Variants in RGS5 observed in about 807,000 individuals in gnomAD.
RGS5 encodes the protein regulator of G protein signaling 5.
RGS5 carries 20 observed loss-of-function variants against 18.9 expected under a neutral mutation model. The ratio of observed to expected loss-of-function variants is 1.06; its 90% CI spans 0.74 to 1.54. RGS5 has a LOEUF of 1.54. Ranked by LOEUF, RGS5 falls within the 40% of genes most tolerant of loss-of-function variation. The pLI is 0.00. For missense variants in RGS5, 201 were observed against 211.8 expected, an observed-to-expected ratio of 0.95 and a Z score of 0.32; for synonymous variants, 57 against 76.2, an observed-to-expected ratio of 0.75 and a Z score of 1.31.
At chr1:163,172,773 A>G (rs1658364482) in intron 1 of RGS5, among the ~76,000 whole-genome samples, 1 of 152,194 alleles carries the variant, frequency 6.6e-6, no homozygotes, top group African/African-American at 2.4e-5. Flanking sequence ...ATGTTATTGC[A>G]TTTCTGCTCA....
intron 1 of RGS5, among the ~76,000 whole-genome samples, chr1:163,177,296 C>G (rs1343887912): frequency 6.6e-6 from 1 of 152,168 alleles, no homozygotes; most frequent in African/African-American, 2.4e-5. Context: ...CTGATATCAA[C>G]TAAAAGATAT....
chr1:163,182,055 A>G (rs1490808054), intron 1 of RGS5, among the ~76,000 whole-genome samples: 3 of 152,116 alleles, frequency 2.0e-5, no homozygotes, highest in Non-Finnish European at 2.9e-5. Context: ...TACTCAATAA[A>G]TGTTACCTAT....
chr1:163,181,139 C>T (rs1658827478), intron 1 of RGS5, among the ~76,000 whole-genome samples: 1 of 152,174 alleles, frequency 6.6e-6, no homozygotes, highest in Non-Finnish European at 1.5e-5. Context: ...TGAGGATTCA[C>T]ATCTCTGGTT....
chr1:163,169,726 A>T (rs569062322), intron 1 of RGS5, among the ~76,000 whole-genome samples: 46 of 152,244 alleles, frequency 3.0e-4, no homozygotes, highest in Non-Finnish European at 5.1e-4. Context: ...TAAAATGATG[A>T]CGTTATCCAT....
rs7411752 is a variant in RGS5, at chr1:163,180,023, C to A, written c.45-11655G>T. Among the ~76,000 whole-genome samples, 96 of 152,198 alleles carry A rather than the reference C, an allele frequency of 6.3e-4. 2 individuals are homozygous for A. The South Asian group carries it at 0.019, about 31-fold the overall frequency. ...TGTTTTTCTGTCTTCCCAGAAAATC[C>A]TTTTATTTTTATTTTTTGAGACAGG... is the stretch of plus-strand genomic sequence containing the variant. On this transcript the variant is annotated intron_variant, in intron 1 of 4. Transcript: ENST00000313961.
At chr1:163,155,881 G>T (rs1226243662) in intron 3 of RGS5, among the ~76,000 whole-genome samples, 2 of 151,980 alleles carry the variant, frequency 1.3e-5, no homozygotes, top group African/African-American at 4.8e-5. Context: ...TGATTATCTG[G>T]TCTTATGGAA....
chr1:163,200,637 A>T (rs1490918344), intron 1 of RGS5, among the ~76,000 whole-genome samples: 1 of 152,188 alleles, frequency 6.6e-6, no homozygotes, highest in Non-Finnish European at 1.5e-5. Context: ...CATTCTTCTC[A>T]GGCAGCATGG....
At chr1:163,287,353 T>C (rs895725445) in intron 2 of RGS5, among the ~76,000 whole-genome samples, 6 of 152,216 alleles carry the variant, frequency 3.9e-5, no homozygotes, top group African/African-American at 1.4e-4. Flanking sequence ...CTCCCAGGCC[T>C]TCACCTATTC....
chr1:163,152,253 G>A (rs1657403417), intron 4 of RGS5, among the ~76,000 whole-genome samples: 1 of 152,092 alleles, frequency 6.6e-6, no homozygotes, highest in African/African-American at 2.4e-5. Context: ...TTTTCACAAA[G>A]GAAGAAATGA....
At chr1:163,261,943 T>A (rs1001006595) in intron 2 of RGS5, among the ~76,000 whole-genome samples, 17 of 152,100 alleles carry the variant, frequency 1.1e-4, no homozygotes, top group African/African-American at 3.9e-4. Flanking sequence ...CAAGGTGGGA[T>A]GATCTAGGCC....
At chr1:163,154,130 C>T (rs1046148385) in intron 3 of RGS5, among the ~76,000 whole-genome samples, 3 of 152,138 alleles carry the variant, frequency 2.0e-5, no homozygotes, top group Non-Finnish European at 2.9e-5. Context: ...ATCATATTTA[C>T]GTTCTGAATT....
chr1:163,268,985 C>A (rs1648642795), intron 2 of RGS5, among the ~76,000 whole-genome samples: 2 of 152,134 alleles, frequency 1.3e-5, no homozygotes, highest in Non-Finnish European at 2.9e-5. Context: ...GGACCAGAGA[C>A]TCCAGATCGC....
chr1:163,152,710 A>G lies in RGS5; in HGVS notation c.224T>C (p.Leu75Pro). The change falls in exon 4 of 5, where the codon CTT becomes CCT. Residue 75 changes from leucine to proline, a missense_variant. Transcript: ENST00000313961. Reference sequence around the variant, plus strand: ...CTTCAGGAAACTTTTGAAACTGGCAAGTCCATCTGGAAAGAAAAAAACAGT... The same window carrying G: ...CTTCAGGAAACTTTTGAAACTGGCAGGTCCATCTGGAAAGAAAAAAACAGT... The part of the protein sequence containing the change: ...LDKLLQNNYG[L>P]ASFKSFLKSE... The G allele has an allele frequency of 1.3e-6, 2 of 1,587,188 alleles. No individual in the cohort carries two copies. The highest frequency in any genetic ancestry group is 1.7e-6 in the Non-Finnish European group (2 of 1,170,472).
At chr1:163,291,415 A>C (rs550035709) in intron 2 of RGS5, among the ~76,000 whole-genome samples, 1 of 152,138 alleles carries the variant, frequency 6.6e-6, no homozygotes. Flanking sequence ...CTTACCCCAA[A>C]CTCAACCACC....
chr1:163,253,952 C>T (rs1176149264), intron 2 of RGS5, among the ~76,000 whole-genome samples: 2 of 151,820 alleles, frequency 1.3e-5, no homozygotes, highest in South Asian at 4.2e-4. Flanking sequence ...TTTCCAATTT[C>T]ATCCATGTCC....
At chr1:163,271,390 C>T (rs953069272) in intron 2 of RGS5, among the ~76,000 whole-genome samples, 7 of 152,116 alleles carry the variant, frequency 4.6e-5, no homozygotes, top group Non-Finnish European at 7.4e-5. Context: ...TTCTTAATAA[C>T]GAAAAAGAGA....
chr1:163,231,557 G>A (rs577079654), intron 2 of RGS5, among the ~76,000 whole-genome samples: 2 of 152,226 alleles, frequency 1.3e-5, no homozygotes, highest in Admixed American at 6.5e-5. Context: ...AGGAATAAAC[G>A]TTGGGTCTAT....
chr1:163,320,381 T>C (rs994245245), intron 1 of RGS5, among the ~76,000 whole-genome samples: 2 of 152,188 alleles, frequency 1.3e-5, no homozygotes, highest in Non-Finnish European at 2.9e-5. Context: ...ATAAAGCAGA[T>C]AGAACTGTCA....
intron 3 of RGS5, among the ~76,000 whole-genome samples, chr1:163,160,085 C>G (rs955422250): frequency 6.6e-6 from 1 of 152,166 alleles, no homozygotes; most frequent in African/African-American, 2.4e-5. Flanking sequence ...CTCTATCTAA[C>G]CCTAGCTTTC....
Sources: gnomAD v4.1 joint callset for allele counts (sites outside exome capture counted in the v4.1 genomes callset) on GRCh38, gnomAD v4.1.1 for gene constraint, MANE v1.5 for transcripts, NCBI Gene and HGNC (gene_info 2026-07-23, HGNC 2026-07-21) for gene names.